RIGI: variants seen among roughly 807,000 people sequenced by gnomAD.
The protein encoded by RIGI is antiviral innate immune response receptor RIG-I.
the RIGI span, among the ~76,000 whole-genome samples, chr9:32,506,761 G>C: frequency 1.3e-5 from 2 of 152,024 alleles, no homozygotes; most frequent in African/African-American, 4.8e-5. Flanking sequence ...GTAATTTGGG[G>C]GAATTTTGTT....
At chr9:32,476,978 C>T in the RIGI span, 2 of 1,610,166 alleles carry the variant, frequency 1.2e-6, no homozygotes, top group Admixed American at 1.7e-5. Flanking sequence ...AGAAAAAAAG[C>T]TTACGTCCAC....
the RIGI span, among the ~76,000 whole-genome samples, chr9:32,461,780 A>C: frequency 6.6e-6 from 1 of 152,164 alleles, no homozygotes; most frequent in Non-Finnish European, 1.5e-5. Flanking sequence ...ATACGAAACT[A>C]CTAGCTACCC....
the RIGI span, chr9:32,525,929 G>C: frequency 1.3e-6 from 1 of 755,578 alleles, no homozygotes; most frequent in Non-Finnish European, 2.3e-6. Flanking sequence ...AGCCTAAAAT[G>C]CTGCGGAGAT....
At chr9:32,480,178 A>G in the RIGI span, 1 of 1,564,386 alleles carries the variant, frequency 6.4e-7, no homozygotes, top group South Asian at 1.2e-5. Flanking sequence ...CCAGTCACCA[A>G]GAATGCTACT....
At chr9:32,473,051 C>T in the RIGI span, 1 of 1,606,908 alleles carries the variant, frequency 6.2e-7, no homozygotes, top group Non-Finnish European at 8.5e-7. Context: ...TTCCTTCAAT[C>T]CAATTTTTTA....
the RIGI span, among the ~76,000 whole-genome samples, chr9:32,458,923 T>C: frequency 6.7e-6 from 1 of 149,778 alleles, no homozygotes; most frequent in Admixed American, 6.7e-5. Flanking sequence ...AGAGTCTTGC[T>C]CTGTCACCCA....
At chr9:32,487,091 A>G in the RIGI span, among the ~76,000 whole-genome samples, 1 of 152,218 alleles carries the variant, frequency 6.6e-6, no homozygotes, top group African/African-American at 2.4e-5. Context: ...TTCAACTAAA[A>G]TGATCAAATA....
chr9:32,519,148 G>A, the RIGI span, among the ~76,000 whole-genome samples: 3 of 152,174 alleles, frequency 2.0e-5, no homozygotes, highest in Admixed American at 2.0e-4. Flanking sequence ...GTTAAACTGA[G>A]TAGAAAATTT....
At chr9:32,483,392 C>G in the RIGI span, among the ~76,000 whole-genome samples, 1 of 152,068 alleles carries the variant, frequency 6.6e-6, no homozygotes, top group African/African-American at 2.4e-5. Flanking sequence ...GTAAAAATAG[C>G]CTAAGCAGTT....
At chr9:32,521,155 A>AAAAAAAAC in the RIGI span, among the ~76,000 whole-genome samples, 1 of 150,596 alleles carries the variant, frequency 6.6e-6, no homozygotes, top group African/African-American at 2.4e-5. Flanking sequence ...AAAAAAAAAA[A>AAAAAAAAC]AAAAAAACTT....
the RIGI span, among the ~76,000 whole-genome samples, chr9:32,510,657 C>T: frequency 8.5e-5 from 13 of 152,118 alleles, no homozygotes; most frequent in Non-Finnish European, 1.8e-4. Flanking sequence ...AGACCATCGA[C>T]ACTATGAAGA....
chr9:32,519,927 G>A, the RIGI span, among the ~76,000 whole-genome samples: 1 of 152,056 alleles, frequency 6.6e-6, no homozygotes, highest in Non-Finnish European at 1.5e-5. Flanking sequence ...AGATTCTAGT[G>A]GTGTAAGTCA....
At chr9:32,472,807 T>G in the RIGI span, among the ~76,000 whole-genome samples, 1 of 152,196 alleles carries the variant, frequency 6.6e-6, no homozygotes, top group Non-Finnish European at 1.5e-5. Context: ...TGCTTTTGCT[T>G]CTGTGGTTAA....
chr9:32,456,808 C>A, the RIGI span: 1 of 209,820 alleles, frequency 4.8e-6, no homozygotes, highest in South Asian at 1.3e-4. Context: ...CCCAACATTC[C>A]ATTCATTCAT....
the RIGI span, chr9:32,498,369 G>C: frequency 2.2e-6 from 1 of 456,478 alleles, no homozygotes; most frequent in Non-Finnish European, 4.4e-6. Flanking sequence ...TGAATATTTG[G>C]TCACCCTATT....
chr9:32,487,199 T>G, the RIGI span, among the ~76,000 whole-genome samples: 1 of 152,194 alleles, frequency 6.6e-6, no homozygotes, highest in South Asian at 2.1e-4. Flanking sequence ...TCTCATCACC[T>G]CTTTTGCATT....
At chr9:32,464,651 ACAGG>A in the RIGI span, among the ~76,000 whole-genome samples, 1 of 152,204 alleles carries the variant, frequency 6.6e-6, no homozygotes, top group Non-Finnish European at 1.5e-5. Context: ...TGCTGGGATT[ACAGG>A]CATGAGCCAC....
At chr9:32,492,043 G>T in the RIGI span, among the ~76,000 whole-genome samples, 93 of 152,210 alleles carry the variant, frequency 6.1e-4, 1 homozygote, top group Non-Finnish European at 1.2e-3. Flanking sequence ...TGAAAAGGGG[G>T]TAAGTCCTGG....
chr9:32,457,499 A>G, the RIGI span: 16 of 1,108,782 alleles, frequency 1.4e-5, no homozygotes, highest in Non-Finnish European at 1.9e-5. Flanking sequence ...AAAAAAAAAG[A>G]AAACCCCACA....
Sources: gnomAD v4.1 joint callset for allele counts (sites outside exome capture counted in the v4.1 genomes callset) on GRCh38, gnomAD v4.1.1 for gene constraint, MANE v1.5 for transcripts, NCBI Gene and HGNC (gene_info 2026-07-23, HGNC 2026-07-21) for gene names.